NELL1: variants seen among roughly 807,000 people sequenced by gnomAD.
The protein encoded by NELL1 is neural EGFL like 1.
NELL1 carries 76 observed loss-of-function variants against 107.4 expected under a neutral mutation model. The ratio of observed to expected loss-of-function variants is 0.71; its 90% CI spans 0.59 to 0.86. The LOEUF (loss-of-function observed/expected upper bound fraction) is 0.86, where lower values mean the gene tolerates loss of function less well. Among genes scored for constraint, NELL1 ranks in the 40% least tolerant of loss-of-function variants. The pLI, the probability that NELL1 is intolerant of heterozygous loss-of-function variation, is 0.00. For synonymous variants in NELL1, 353 were observed against 341.2 expected (o/e 1.03, Z -0.38); for missense variants, 1,024 against 1,005.5 (o/e 1.02, Z -0.25).
intron 5 of NELL1, among the ~76,000 whole-genome samples, chr11:20,888,374 T>A (rs180984748): frequency 6.6e-6 from 1 of 151,692 alleles, no homozygotes; most frequent in African/African-American, 2.4e-5. Flanking sequence ...GCCTCTATGT[T>A]TTCTAAGTGG....
chr11:21,549,038 T>C (rs192496541), intron 16 of NELL1, among the ~76,000 whole-genome samples: 6 of 151,792 alleles, frequency 4.0e-5, no homozygotes, highest in Non-Finnish European at 7.4e-5. Flanking sequence ...ATTTTTAAAA[T>C]AGAAATATAA....
intron 14 of NELL1, among the ~76,000 whole-genome samples, chr11:21,314,092 C>G (rs532720194): frequency 1.3e-5 from 2 of 149,842 alleles, no homozygotes; most frequent in Non-Finnish European, 3.0e-5. Context: ...CTCCCTGAGG[C>G]CTCCCCAGGA....
At chr11:20,708,424 A>G (rs1206948934) in intron 2 of NELL1, among the ~76,000 whole-genome samples, 1 of 152,060 alleles carries the variant, frequency 6.6e-6, no homozygotes, top group East Asian at 1.9e-4. Flanking sequence ...TGGGTCACTC[A>G]TGCTGGGAAC....
intron 12 of NELL1, among the ~76,000 whole-genome samples, chr11:21,060,223 C>A (rs114894771): frequency 6.6e-6 from 1 of 152,122 alleles, no homozygotes; most frequent in Admixed American, 6.6e-5. Flanking sequence ...CTTGACTCTG[C>A]TACTTATTAT....
chr11:21,165,758 CTT>C (rs34509347), intron 13 of NELL1, among the ~76,000 whole-genome samples: 4,913 of 98,444 alleles, frequency 0.05, 66 homozygotes, highest in Non-Finnish European at 0.062. Flanking sequence ...ACAATGAGAT[CTT>C]TTTTTTTTTT....
chr11:21,067,574 C>A (rs1413115098), intron 12 of NELL1, among the ~76,000 whole-genome samples: 1 of 152,144 alleles, frequency 6.6e-6, no homozygotes, highest in East Asian at 1.9e-4. Flanking sequence ...AGAGGAAGTT[C>A]TCTTTCCTTG....
At chr11:20,910,576 G>A (rs1419304870) in intron 5 of NELL1, among the ~76,000 whole-genome samples, 2 of 152,226 alleles carry the variant, frequency 1.3e-5, no homozygotes, top group Non-Finnish European at 2.9e-5. Flanking sequence ...AAGGTCCTGT[G>A]ATTAGATTAC....
rs531565651 is a variant in NELL1, at chr11:20,975,863, T to TG, written c.1300+15303_1300+15304insG. ...TGTGTATTATATATACATATATGTG[T>TG]ATTATATATACACATACATGTGTAT... On this transcript the variant is annotated intron_variant, in intron 12 of 19. Coordinates refer to ENST00000357134, the MANE Select transcript of NELL1 (RefSeq NM_006157.5). 3.6e-3 allele frequency among the ~76,000 whole-genome samples: 466 copies of TG among 129,348 alleles called. 17 individuals are homozygous for TG. Among genetic ancestry groups the TG allele is most frequent in the Non-Finnish European group, 5.3e-3 (314 of 59,472 alleles). The allele number at this position is 129,348 out of a possible 152,430, so 84.9% of individuals were successfully genotyped here.
chr11:21,113,562 T>C (rs1855155858), intron 12 of NELL1, 27 bp from the exon 13 acceptor site: 1 of 1,603,994 alleles, frequency 6.2e-7, no homozygotes, highest in Non-Finnish European at 8.5e-7. Flanking sequence ...TTGCTAACCA[T>C]GATCTTACTT....
At chr11:21,486,654 GA>G (rs1854640171) in intron 15 of NELL1, among the ~76,000 whole-genome samples, 1 of 151,954 alleles carries the variant, frequency 6.6e-6, no homozygotes, top group Admixed American at 6.6e-5. Context: ...TTTGGATAAA[GA>G]ATTCAAAATA....
chr11:21,176,174 G>A (rs963782680), intron 13 of NELL1, among the ~76,000 whole-genome samples: 2 of 151,860 alleles, frequency 1.3e-5, no homozygotes, highest in African/African-American at 2.4e-5. Flanking sequence ...CTGGTATGTA[G>A]AAAGTGCTTC....
At chr11:21,409,073 A>G (rs1245362176) in intron 15 of NELL1, among the ~76,000 whole-genome samples, 1 of 152,054 alleles carries the variant, frequency 6.6e-6, no homozygotes, top group Non-Finnish European at 1.5e-5. Context: ...CAGCCATCCC[A>G]TTACTGGGCA....
chr11:21,038,766 A>G (rs1853157199), intron 12 of NELL1, among the ~76,000 whole-genome samples: 2 of 152,218 alleles, frequency 1.3e-5, no homozygotes, highest in Non-Finnish European at 2.9e-5. Flanking sequence ...CTGTGGACCA[A>G]TGCTGGCCTG....
At chr11:21,121,359 G>A (rs1296646395) in intron 13 of NELL1, among the ~76,000 whole-genome samples, 2 of 152,158 alleles carry the variant, frequency 1.3e-5, no homozygotes, top group African/African-American at 4.8e-5. Flanking sequence ...GCTGCACTCT[G>A]AGATGTATAA....
At chr11:21,037,918 C>A (rs767356326) in intron 12 of NELL1, among the ~76,000 whole-genome samples, 4 of 152,052 alleles carry the variant, frequency 2.6e-5, no homozygotes, top group South Asian at 2.1e-4. Context: ...TGATTAATTT[C>A]TTTATTGTGG....
intron 12 of NELL1, among the ~76,000 whole-genome samples, chr11:21,078,922 A>G (rs1157082396): frequency 6.6e-6 from 1 of 152,052 alleles, no homozygotes; most frequent in Admixed American, 6.5e-5. Flanking sequence ...ATATAAAATA[A>G]TAAAATATTA....
chr11:20,860,558 T>C (rs1008190763), intron 4 of NELL1, among the ~76,000 whole-genome samples: 7 of 152,206 alleles, frequency 4.6e-5, no homozygotes, highest in Non-Finnish European at 1.0e-4. Context: ...GAGGTTCAAA[T>C]GAGGGCCTGC....
chr11:20,893,059 C>T (rs190575520), intron 5 of NELL1, among the ~76,000 whole-genome samples: 3 of 151,964 alleles, frequency 2.0e-5, no homozygotes, highest in East Asian at 3.9e-4. Context: ...ACATAAACAC[C>T]ATGGCATACT....
chr11:21,232,854 C>T (rs774893263), intron 14 of NELL1, among the ~76,000 whole-genome samples: 13 of 151,996 alleles, frequency 8.6e-5, no homozygotes, highest in Non-Finnish European at 1.3e-4. Context: ...GGTTTCACCA[C>T]GTTGGCCAGG....
Sources: gnomAD v4.1 joint callset for allele counts (sites outside exome capture counted in the v4.1 genomes callset) on GRCh38, gnomAD v4.1.1 for gene constraint, MANE v1.5 for transcripts, NCBI Gene and HGNC (gene_info 2026-07-23, HGNC 2026-07-21) for gene names.